GNAI2: variants seen among roughly 807,000 people sequenced by gnomAD.
GNAI2 encodes the protein guanine nucleotide-binding protein G(i) subunit alpha-2.
In GNAI2, 4 loss-of-function variants were observed where a neutral mutation model predicts 36.8. The ratio of observed to expected loss-of-function variants is 0.11; its 90% CI spans 0.05 to 0.25. The LOEUF (loss-of-function observed/expected upper bound fraction) is 0.25, where lower values mean the gene tolerates loss of function less well. Among genes scored for constraint, GNAI2 ranks in the 10% least tolerant of loss-of-function variants. The probability of loss-of-function intolerance (pLI) is 1.00; values close to 1 mark genes in which losing one functional copy is unlikely to be tolerated. For missense variants in GNAI2, 230 were observed against 481.3 expected, an observed-to-expected ratio of 0.48 and a Z score of 4.89; for synonymous variants, 194 against 194.1, an observed-to-expected ratio of 1.00 and a Z score of 0.01.
chr3:50,229,736 A>T (rs191006372), upstream of GNAI2: 11 of 152,364 alleles, frequency 7.2e-5, no homozygotes, highest in African/African-American at 2.6e-4. Context: ...TGATTCAAAG[A>T]TCCCCTCCTC....
At chr3:50,248,641 G>T (rs989050674) in intron 1 of GNAI2, among the ~76,000 whole-genome samples, 2 of 152,104 alleles carry the variant, frequency 1.3e-5, no homozygotes, top group African/African-American at 2.4e-5. Context: ...ACTACTTCCC[G>T]CCTGAGTCAC....
intron 1 of GNAI2, among the ~76,000 whole-genome samples, chr3:50,243,107 A>G (rs1013830866): frequency 6.6e-6 from 1 of 152,226 alleles, no homozygotes; most frequent in Admixed American, 6.5e-5. Context: ...GGCTTTGCCA[A>G]CTGGAAGGGT....
intron 1 of GNAI2, among the ~76,000 whole-genome samples, chr3:50,246,107 C>T (rs1332967408): frequency 1.3e-5 from 2 of 152,336 alleles, no homozygotes; most frequent in Non-Finnish European, 1.5e-5. Context: ...GGCCGGGGAG[C>T]AGCACCTGGA....
chr3:50,228,434 T>C (rs1483539310), upstream of GNAI2, among the ~76,000 whole-genome samples: 4 of 150,942 alleles, frequency 2.7e-5, no homozygotes, highest in African/African-American at 9.8e-5. Flanking sequence ...CGCCTTGTAA[T>C]CCCAGCTACT....
rs1263108102 is a variant in GNAI2, at chr3:50,241,941, G to A, written c.118+5488G>A. On this transcript the variant is annotated intron_variant, in intron 1 of 8. Transcript: ENST00000313601. The surrounding 1 kb of genome is among the most constrained non-coding windows in gnomAD (Gnocchi z 5.0). ...GCAAGTGGCAGCAGGTAGTGCTGAG[G>A]GTGGGGTGTGGTCAGGTCCCAGCAA... Among the ~76,000 whole-genome samples, 1 of 152,174 alleles carries A rather than the reference G, an allele frequency of 6.6e-6. No individual in the cohort carries two copies. Among genetic ancestry groups the A allele is most frequent in the Non-Finnish European group, 1.5e-5 (1 of 68,008 alleles).
chr3:50,252,007 C>A lies in GNAI2; in HGVS notation c.119-93C>A. Reference sequence around the variant, plus strand: ...GGTGCAGCTGGTGGGAAGGTTAGTTCTGCCTCCTGGGCTACAGGTGTCTGG... The same window carrying A: ...GGTGCAGCTGGTGGGAAGGTTAGTTATGCCTCCTGGGCTACAGGTGTCTGG... On this transcript the variant is annotated intron_variant, in intron 1 of 8. Coordinates refer to ENST00000313601, the MANE Select transcript of GNAI2 (RefSeq NM_002070.4). The surrounding 1 kb of genome is among the most constrained non-coding windows in gnomAD (Gnocchi z 4.1). 2 of 1,281,508 alleles carry A rather than the reference C, an allele frequency of 1.6e-6. No homozygotes were observed. The highest frequency in any genetic ancestry group is 1.3e-5 in the South Asian group (1 of 78,782). 79.4% of individuals were successfully genotyped at this position (1,281,508 alleles called of 1,614,324 possible).
upstream of GNAI2, chr3:50,235,150 C>T (rs1419019190): frequency 1.3e-5 from 2 of 152,242 alleles, no homozygotes; most frequent in African/African-American, 4.8e-5. Flanking sequence ...TCCACCCTCT[C>T]ATCCTCTCTC....
chr3:50,240,483 C>T (rs183169487), intron 1 of GNAI2, among the ~76,000 whole-genome samples: 4 of 152,308 alleles, frequency 2.6e-5, no homozygotes, highest in Admixed American at 2.6e-4. Flanking sequence ...CCCAGTTCCA[C>T]CTATGGCACT....
chr3:50,257,224 T>C, intron 7 of GNAI2, 134 bp downstream of exon 7: 2 of 736,900 alleles, frequency 2.7e-6, no homozygotes, highest in Non-Finnish European at 4.5e-6. Flanking sequence ...GGCTGGTGCC[T>C]CACTTAGGCT....
intron 1 of GNAI2, chr3:50,251,874 A>G (rs1700565697): frequency 9.2e-7 from 1 of 1,089,890 alleles, no homozygotes; most frequent in African/African-American, 1.6e-5. Flanking sequence ...GCCTGCAGAG[A>G]GTCTGCCATG....
rs1700298826 is a variant in GNAI2, at chr3:50,241,475, C to CCA, written c.118+5023_118+5024dup. ...CTAGGCTCAGCCCCTGCCTCTCACG[C>CCA]CAGTGTCAGTGCAGCCAACATGAGG... On this transcript the variant is annotated intron_variant, in intron 1 of 8. Coordinates refer to ENST00000313601, the MANE Select transcript of GNAI2 (RefSeq NM_002070.4). This position sits in a 1 kb window ranked among gnomAD's most constrained non-coding sequence, Gnocchi z 5.0. Among the ~76,000 whole-genome samples, 1 of 152,206 alleles carries CCA rather than the reference C, an allele frequency of 6.6e-6. No homozygotes were observed. The highest frequency in any genetic ancestry group is 2.1e-4 in the South Asian group (1 of 4,834).
intron 1 of GNAI2, among the ~76,000 whole-genome samples, chr3:50,243,398 G>C (rs897470408): frequency 6.6e-6 from 1 of 152,252 alleles, no homozygotes. Context: ...TCCAAAGCCG[G>C]AAGGCCAGCC....
chr3:50,246,376 G>A (rs1470003377), intron 1 of GNAI2, among the ~76,000 whole-genome samples: 1 of 152,254 alleles, frequency 6.6e-6, no homozygotes, highest in East Asian at 1.9e-4. Context: ...CCCTGGTGGT[G>A]GCGGGGCATG....
chr3:50,243,449 G>A (rs1894324), intron 1 of GNAI2, among the ~76,000 whole-genome samples: 21,580 of 152,262 alleles, frequency 0.14, 3,845 homozygotes, highest in African/African-American at 0.42. Context: ...CAACAGCCCC[G>A]AGATGAGCTC....
rs79233068 is a variant in GNAI2 at position 50,242,592 on chromosome 3, G to T, written c.118+6139G>T. Among the ~76,000 whole-genome samples the T allele has an allele frequency of 2.0e-5, 3 of 151,654 alleles. No homozygotes were observed. Among genetic ancestry groups the T allele is most frequent in the Non-Finnish European group, 4.4e-5 (3 of 67,934 alleles). On this transcript the variant is annotated intron_variant, in intron 1 of 8. Coordinates refer to ENST00000313601, the MANE Select transcript of GNAI2 (RefSeq NM_002070.4). The surrounding 1 kb of genome is among the most constrained non-coding windows in gnomAD (Gnocchi z 4.8). ...CCAGCCCTTCTAGCTTGAAGCTCTC[G>T]TTCTTACTAAACCCCAACCCCACCC...
At chr3:50,249,982 A>T (rs1198703406) in intron 1 of GNAI2, among the ~76,000 whole-genome samples, 1 of 152,192 alleles carries the variant, frequency 6.6e-6, no homozygotes, top group Non-Finnish European at 1.5e-5. Flanking sequence ...ACCCAGTGCC[A>T]GGTGGACTGT....
At chr3:50,256,075 C>CAAAAAAA (rs1700691257) in intron 4 of GNAI2, 117 bp from the exon 5 acceptor site, 5 of 220,860 alleles carry the variant, frequency 2.3e-5, no homozygotes, top group African/African-American at 1.5e-4. Flanking sequence ...AAAAAAAAAG[C>CAAAAAAA]AAGGGCTGTG....
chr3:50,230,176 G>C (rs1291162192), upstream of GNAI2: 6 of 152,424 alleles, frequency 3.9e-5, no homozygotes, highest in African/African-American at 1.4e-4. Flanking sequence ...AGAGGGGTCT[G>C]CAAGGGAGCA....
At chr3:50,228,609 GT>G (rs1353277211), upstream of GNAI2, among the ~76,000 whole-genome samples, 2 of 151,082 alleles carry the variant, frequency 1.3e-5, no homozygotes, top group Non-Finnish European at 2.9e-5. Context: ...CCCTCCAGTT[GT>G]TTCCTTCATA....
Sources: allele counts gnomAD v4.1 joint callset (sites outside exome capture counted in the v4.1 genomes callset), GRCh38; gene constraint gnomAD v4.1.1; non-coding constraint Gnocchi (gnomAD v3.1); transcripts MANE v1.5; gene names NCBI Gene and HGNC (gene_info 2026-07-23, HGNC 2026-07-21).